CADM2: variants seen among roughly 807,000 people sequenced by gnomAD.
The protein encoded by CADM2 is cell adhesion molecule 2.
Under a neutral mutation model 49.8 loss-of-function variants are expected in CADM2, and 12 were observed. That is an observed-to-expected ratio of 0.24 (90% CI 0.15 to 0.39). CADM2 has a LOEUF of 0.39. Among genes scored for constraint, CADM2 ranks in the 10% least tolerant of loss-of-function variants. The probability of loss-of-function intolerance (pLI) is 1.00; values close to 1 mark genes in which losing one functional copy is unlikely to be tolerated. For missense variants in CADM2, 378 were observed against 492.3 expected (o/e 0.77, Z 2.20); for synonymous variants, 214 against 175.4 (o/e 1.22, Z -1.74).
At chr3:85,383,788 T>A (rs2034049481) in intron 1 of CADM2, among the ~76,000 whole-genome samples, 1 of 151,854 alleles carries the variant, frequency 6.6e-6, no homozygotes, top group Non-Finnish European at 1.5e-5. Flanking sequence ...TCACTGTTCC[T>A]CCTTTGATAT....
At chr3:86,005,770 C>T (rs1481211496) in intron 8 of CADM2, among the ~76,000 whole-genome samples, 2 of 152,048 alleles carry the variant, frequency 1.3e-5, no homozygotes, top group African/African-American at 2.4e-5. Flanking sequence ...ATTGTGCTGT[C>T]AAATAGTAGG....
intron 2 of CADM2, among the ~76,000 whole-genome samples, chr3:85,780,963 G>A (rs908602132): frequency 1.3e-5 from 2 of 152,126 alleles, no homozygotes; most frequent in African/African-American, 2.4e-5. Context: ...GGACCCAGGA[G>A]CCATGAAATC....
intron 1 of CADM2, among the ~76,000 whole-genome samples, chr3:85,653,354 C>A: frequency 6.8e-6 from 1 of 146,830 alleles, no homozygotes; most frequent in Admixed American, 6.9e-5. Context: ...TAGATAAAGG[C>A]AGCAACAGTG....
chr3:85,330,327 C>A (rs772237462), intron 1 of CADM2, among the ~76,000 whole-genome samples: 1 of 152,022 alleles, frequency 6.6e-6, no homozygotes, highest in Non-Finnish European at 1.5e-5. Context: ...GCACTTATCA[C>A]CTCTACCATT....
intron 1 of CADM2, among the ~76,000 whole-genome samples, chr3:85,649,056 A>G (rs1422634277): frequency 6.6e-6 from 1 of 152,108 alleles, no homozygotes; most frequent in Non-Finnish European, 1.5e-5. Flanking sequence ...TACTTTTATG[A>G]TATAACATCC....
chr3:85,785,568 C>T (rs2070932391), intron 2 of CADM2, among the ~76,000 whole-genome samples: 1 of 152,002 alleles, frequency 6.6e-6, no homozygotes, highest in Admixed American at 6.6e-5. Context: ...CAAGCTTTAT[C>T]CAATACCAAG....
At chr3:85,511,846 T>G (rs1473933612) in intron 1 of CADM2, 1 of 981,252 alleles carries the variant, frequency 1.0e-6, no homozygotes, top group Non-Finnish European at 1.2e-6. Flanking sequence ...TTTTATTTCT[T>G]TCTGTTTTAG....
At chr3:85,019,396 T>A (rs2034398700) in intron 1 of CADM2, among the ~76,000 whole-genome samples, 1 of 152,120 alleles carries the variant, frequency 6.6e-6, no homozygotes, top group Non-Finnish European at 1.5e-5. Context: ...GCTGAGAAGA[T>A]CACTTGAGCC....
intron 1 of CADM2, among the ~76,000 whole-genome samples, chr3:85,345,139 G>A (rs949477645): frequency 3.3e-5 from 5 of 151,468 alleles, no homozygotes; most frequent in African/African-American, 7.3e-5. Context: ...AACCTGCAAA[G>A]TCTTGTCTCT....
At position 85,319,765 on chromosome 3, in the gene CADM2, C is replaced by T. The variant is rs536499612; in HGVS notation, c.61+360097C>T. On this transcript the variant is annotated intron_variant, in intron 1 of 9. Transcript: ENST00000383699. ...AAGAGGGGAACAACAGACACTGTGG[C>T]CTACTTGAGAGTGGAGGGGGACAGG... Among the ~76,000 whole-genome samples, 3 of 152,116 alleles carry T rather than the reference C, an allele frequency of 2.0e-5. No individual in the cohort carries two copies. The East Asian group carries it at 5.8e-4, about 30-fold the overall frequency.
chr3:85,583,862 G>A (rs1355773549), intron 1 of CADM2, among the ~76,000 whole-genome samples: 1 of 151,832 alleles, frequency 6.6e-6, no homozygotes, highest in African/African-American at 2.4e-5. Context: ...TCAGAATCAA[G>A]ATTATGAAAT....
intron 1 of CADM2, among the ~76,000 whole-genome samples, chr3:85,433,697 T>G (rs2036794340): frequency 6.6e-6 from 1 of 152,142 alleles, no homozygotes; most frequent in Admixed American, 6.6e-5. Context: ...TTTTTCCAAT[T>G]ATAGGTTGTA....
chr3:85,262,277 A>G (rs1405968302), intron 1 of CADM2, among the ~76,000 whole-genome samples: 1 of 152,088 alleles, frequency 6.6e-6, no homozygotes, highest in Non-Finnish European at 1.5e-5. Context: ...TTCATATTAC[A>G]TATTATAATT....
intron 2 of CADM2, among the ~76,000 whole-genome samples, chr3:85,735,577 A>C (rs1174353204): frequency 1.3e-5 from 2 of 152,140 alleles, no homozygotes; most frequent in Middle Eastern, 6.3e-3. Context: ...TGCTCTGGTG[A>C]AAAAAGACTG....
At chr3:85,552,689 T>C (rs996207855) in intron 1 of CADM2, among the ~76,000 whole-genome samples, 1 of 148,742 alleles carries the variant, frequency 6.7e-6, no homozygotes, top group Admixed American at 6.7e-5. Context: ...CCTTGTTTTG[T>C]TTTCTGAGAC....
intron 1 of CADM2, among the ~76,000 whole-genome samples, chr3:85,344,863 A>G (rs1224632316): frequency 6.6e-6 from 1 of 152,140 alleles, no homozygotes; most frequent in Non-Finnish European, 1.5e-5. Context: ...ATAATTATAC[A>G]TAATTTTCTC....
intron 8 of CADM2, among the ~76,000 whole-genome samples, chr3:86,041,371 A>T (rs1230032291): frequency 6.6e-6 from 1 of 152,192 alleles, no homozygotes; most frequent in Non-Finnish European, 1.5e-5. Flanking sequence ...GGCTCAAAAT[A>T]AAAGGATGGA....
chr3:85,475,055 A>G lies in CADM2; in HGVS notation c.62-251467A>G, dbSNP rs368819208. 2.1e-4 allele frequency among the ~76,000 whole-genome samples: 32 copies of G among 152,038 alleles called. No homozygotes were observed. In the East Asian group the frequency reaches 3.3e-3, roughly 16 times the overall value. ...TTAAGAAAATAATTTTTCTTGGAAA[A>G]CATAAAGCAACCAGGGAGGTGGTGG... On this transcript the variant is annotated intron_variant, in intron 1 of 9. Coordinates refer to ENST00000383699, the MANE Select transcript of CADM2 (RefSeq NM_001167675.2).
At chr3:85,530,460 C>A (rs62252500) in intron 1 of CADM2, among the ~76,000 whole-genome samples, 15 of 150,202 alleles carry the variant, frequency 1.0e-4, no homozygotes, top group African/African-American at 2.7e-4. Flanking sequence ...CCTCCCAAGT[C>A]GCTGGGACTA....
Sources: gnomAD v4.1 joint callset for allele counts (sites outside exome capture counted in the v4.1 genomes callset) on GRCh38, gnomAD v4.1.1 for gene constraint, MANE v1.5 for transcripts, NCBI Gene and HGNC (gene_info 2026-07-23, HGNC 2026-07-21) for gene names.